Variants in ARHGEF28 observed in about 807,000 individuals in gnomAD.
ARHGEF28 encodes Rho guanine nucleotide exchange factor 28.
A neutral mutation model predicts 206.6 loss-of-function variants in ARHGEF28; 152 were observed. That is an observed-to-expected ratio of 0.74 (90% CI 0.64 to 0.84). The LOEUF (loss-of-function observed/expected upper bound fraction) is 0.84. Ranked by LOEUF, ARHGEF28 falls within the 40% of genes least tolerant of loss-of-function variation. The pLI is 0.00. For synonymous variants in ARHGEF28, 763 were observed against 776.4 expected (o/e 0.98, Z 0.29); for missense variants, 2,028 against 2,073.2 (o/e 0.98, Z 0.42).
intron 1 of ARHGEF28, among the ~76,000 whole-genome samples, chr5:73,648,074 A>G (rs1744553745): frequency 1.3e-5 from 2 of 152,228 alleles, no homozygotes; most frequent in Non-Finnish European, 2.9e-5. Context: ...CAAAAGTTGT[A>G]ATATTTTAAG....
intron 2 of ARHGEF28, among the ~76,000 whole-genome samples, chr5:73,717,715 A>C (rs773289399): frequency 3.9e-5 from 6 of 152,228 alleles, no homozygotes; most frequent in Non-Finnish European, 7.3e-5. Context: ...CTCATAGATA[A>C]GGTAGAAGAA....
chr5:73,704,499 A>G (rs1432018114), intron 2 of ARHGEF28, among the ~76,000 whole-genome samples: 2 of 152,122 alleles, frequency 1.3e-5, no homozygotes, highest in Admixed American at 1.3e-4. Flanking sequence ...ACCTTGGCTT[A>G]CTGTAACCTC....
chr5:73,642,116 C>CAA (rs1744150526), intron 1 of ARHGEF28, among the ~76,000 whole-genome samples: 1 of 152,146 alleles, frequency 6.6e-6, no homozygotes, highest in Non-Finnish European at 1.5e-5. Context: ...CCTGCTTGTC[C>CAA]GCCTGTGAAA....
chr5:73,794,343 T>A (rs1241030612), intron 7 of ARHGEF28, 59 bp from the exon 8 acceptor site: 18 of 1,417,774 alleles, frequency 1.3e-5, no homozygotes, highest in East Asian at 2.4e-5. Context: ...AGCTAGTAGT[T>A]GTTGTTCTTC....
chr5:73,795,291 T>G, intron 8 of ARHGEF28, 40 bp from the exon 9 acceptor site: 1 of 1,576,810 alleles, frequency 6.3e-7, no homozygotes, highest in South Asian at 1.1e-5. Flanking sequence ...GTAGCATATA[T>G]GTAATTTTTT....
chr5:73,696,922 GGAC>G (rs1170255478), intron 2 of ARHGEF28, among the ~76,000 whole-genome samples: 2 of 152,108 alleles, frequency 1.3e-5, no homozygotes. Flanking sequence ...TTTGGGACTG[GGAC>G]TGTCATTTGA....
intron 9 of ARHGEF28, among the ~76,000 whole-genome samples, chr5:73,809,658 G>A (rs1755724882): frequency 6.6e-6 from 1 of 152,196 alleles, no homozygotes; most frequent in Non-Finnish European, 1.5e-5. Flanking sequence ...GCAGGTTAAT[G>A]TCTAAATGAA....
At chr5:73,771,696 A>T (rs1288151026) in intron 4 of ARHGEF28, among the ~76,000 whole-genome samples, 1 of 152,138 alleles carries the variant, frequency 6.6e-6, no homozygotes, top group Non-Finnish European at 1.5e-5. Context: ...CCTGGTTATT[A>T]TTTAAAAAGG....
rs1489762524 is a variant in ARHGEF28 at position 73,841,725 on chromosome 5, AAAAG to A, written c.1427+967_1427+970del. Among the ~76,000 whole-genome samples the A allele has an allele frequency of 1.3e-5, 2 of 151,584 alleles. 1 individual carries two copies. Among genetic ancestry groups the A allele is most frequent in the African/African-American group, 4.8e-5 (2 of 41,460 alleles). On this transcript the variant is annotated intron_variant, in intron 11 of 35. Transcript: ENST00000513042. ...TCTCAAAAAGAAGAAAAAAAAAAAA[AAAAG>A]AGAGAAAAAGAAAAACAAAATAATG...
intron 12 of ARHGEF28, among the ~76,000 whole-genome samples, chr5:73,848,025 C>T (rs1302374064): frequency 6.6e-6 from 1 of 152,136 alleles, no homozygotes; most frequent in African/African-American, 2.4e-5. Flanking sequence ...ACAAAAGAGA[C>T]CAGTGCTCCT....
chr5:73,872,114 A>G (rs777316794), intron 21 of ARHGEF28, among the ~76,000 whole-genome samples: 1 of 152,186 alleles, frequency 6.6e-6, no homozygotes, highest in African/African-American at 2.4e-5. Context: ...CCAGCAATGT[A>G]TGAGGGTTCC....
chr5:73,855,854 A>G (rs4317302), intron 14 of ARHGEF28, among the ~76,000 whole-genome samples: 94,869 of 152,110 alleles, frequency 0.62, 30,408 homozygotes, highest in African/African-American at 0.76. Flanking sequence ...TTCTGTAACA[A>G]GGGAGTTGGG....
At chr5:73,940,800 A>G in intron 35 of ARHGEF28, 44 bp from the exon 36 acceptor site, 2 of 1,390,842 alleles carry the variant, frequency 1.4e-6, no homozygotes, top group Non-Finnish European at 1.9e-6. Context: ...TGCCTTGTAC[A>G]TCTCAGGTGG....
chr5:73,932,533 T>G (rs1764182786), intron 35 of ARHGEF28, among the ~76,000 whole-genome samples: 1 of 152,208 alleles, frequency 6.6e-6, no homozygotes, highest in South Asian at 2.1e-4. Flanking sequence ...GGAGAAGCCC[T>G]GCAATGTAAT....
intron 11 of ARHGEF28, among the ~76,000 whole-genome samples, chr5:73,843,711 T>C (rs1758127661): frequency 6.6e-6 from 1 of 152,184 alleles, no homozygotes; most frequent in Admixed American, 6.5e-5. Flanking sequence ...TATGTAACCA[T>C]TATGTTATAT....
chr5:73,848,066 T>C (rs1579982448), intron 12 of ARHGEF28, among the ~76,000 whole-genome samples: 1 of 152,234 alleles, frequency 6.6e-6, no homozygotes, highest in East Asian at 1.9e-4. Context: ...TTAATTTTAG[T>C]AAAGAGTTTT....
intron 3 of ARHGEF28, among the ~76,000 whole-genome samples, chr5:73,752,229 G>A (rs1432909823): frequency 6.6e-6 from 1 of 152,150 alleles, no homozygotes; most frequent in Admixed American, 6.5e-5. Context: ...AAATAAGAGA[G>A]TGGGGCAAAG....
At chr5:73,771,628 T>G (rs1401798726) in intron 4 of ARHGEF28, among the ~76,000 whole-genome samples, 1 of 151,880 alleles carries the variant, frequency 6.6e-6, no homozygotes, top group East Asian at 1.9e-4. Flanking sequence ...TGTTGGGGAG[T>G]ACACATGCAC....
intron 4 of ARHGEF28, among the ~76,000 whole-genome samples, chr5:73,760,931 A>G (rs1752569003): frequency 6.6e-6 from 1 of 152,200 alleles, no homozygotes; most frequent in Admixed American, 6.5e-5. Context: ...TCTGGCAACA[A>G]TGGCCCTTAT....
Sources: gnomAD v4.1 joint callset for allele counts (sites outside exome capture counted in the v4.1 genomes callset) on GRCh38, gnomAD v4.1.1 for gene constraint, MANE v1.5 for transcripts, NCBI Gene and HGNC (gene_info 2026-07-23, HGNC 2026-07-21) for gene names.